The following GAS7 variants were observed in gnomAD, a reference collection of about 807,000 sequenced individuals.
GAS7 encodes the protein growth arrest specific 7.
GAS7 carries 28 observed loss-of-function variants against 71.1 expected under a neutral mutation model. The ratio of observed to expected loss-of-function variants is 0.39; its 90% confidence interval spans 0.29 to 0.54. The LOEUF (loss-of-function observed/expected upper bound fraction) is 0.54. GAS7 is among the 20% of genes least tolerant of loss of function. GAS7 has a pLI of 0.62. For missense variants in GAS7, 436 were observed against 627.8 expected, an observed-to-expected ratio of 0.69 and a Z score of 3.27; for synonymous variants, 258 against 245.8, an observed-to-expected ratio of 1.05 and a Z score of -0.46.
chr17:10,009,063 G>A (rs1389002388), intron 2 of GAS7, among the ~76,000 whole-genome samples: 1 of 152,048 alleles, frequency 6.6e-6, no homozygotes, highest in African/African-American at 2.4e-5. Flanking sequence ...GCTCACGCCT[G>A]TAATCCCAGC....
At chr17:9,961,417 G>A (rs965908768) in intron 4 of GAS7, among the ~76,000 whole-genome samples, 25 of 152,194 alleles carry the variant, frequency 1.6e-4, no homozygotes, top group African/African-American at 5.5e-4. Context: ...ATACATGGCA[G>A]GAAGGGGAAA....
chr17:9,929,252 C>T (rs2068122795), intron 9 of GAS7, among the ~76,000 whole-genome samples: 2 of 152,148 alleles, frequency 1.3e-5, no homozygotes, highest in African/African-American at 2.4e-5. Flanking sequence ...TTAATACGCC[C>T]AGGAATGACC....
At chr17:10,064,922 G>C (rs1252200140) in intron 1 of GAS7, among the ~76,000 whole-genome samples, 1 of 152,178 alleles carries the variant, frequency 6.6e-6, no homozygotes, top group African/African-American at 2.4e-5. Flanking sequence ...CAAACTCCTA[G>C]GCTCAAGTGA....
chr17:9,972,234 G>A (rs755512931), intron 3 of GAS7, among the ~76,000 whole-genome samples: 15 of 152,166 alleles, frequency 9.9e-5, no homozygotes, highest in South Asian at 2.1e-4. Flanking sequence ...CCATCCACCC[G>A]CTATGAAGGC....
intron 2 of GAS7, among the ~76,000 whole-genome samples, chr17:9,996,804 T>A (rs2071064935): frequency 6.6e-6 from 1 of 151,768 alleles, no homozygotes; most frequent in Non-Finnish European, 1.5e-5. Flanking sequence ...ACACCCAGGT[T>A]CATTTTTATA....
intron 4 of GAS7, among the ~76,000 whole-genome samples, chr17:9,966,564 C>T (rs2069723782): frequency 6.6e-6 from 1 of 152,178 alleles, no homozygotes; most frequent in Admixed American, 6.5e-5. Context: ...CGTCTGCATG[C>T]TGGAGTGGGG....
chr17:10,188,198 G>A (rs1405922169), intron 1 of GAS7, among the ~76,000 whole-genome samples: 10 of 151,772 alleles, frequency 6.6e-5, no homozygotes, highest in South Asian at 2.1e-4. Flanking sequence ...AGCCGAGATC[G>A]CGCCACTGCA....
In GAS7 at chr17:10,156,035, C is replaced by T. The variant is rs1317572505; in HGVS notation, c.183+42173G>A. Reference sequence around the variant, plus strand: ...ATGCAACTGACTTCCTTACTTGTTCCATTGCCCCAGCCTAGAGACGAGATT... The same window carrying T: ...ATGCAACTGACTTCCTTACTTGTTCTATTGCCCCAGCCTAGAGACGAGATT... On this transcript the variant is annotated intron_variant, in intron 1 of 13. Coordinates refer to ENST00000432992, the MANE Select transcript of GAS7 (RefSeq NM_201433.2). Among the ~76,000 whole-genome samples the T allele has an allele frequency of 2.0e-5, 3 of 152,170 alleles. No homozygotes were observed. In the East Asian group the frequency reaches 5.8e-4, roughly 29 times the overall value.
intron 1 of GAS7, among the ~76,000 whole-genome samples, chr17:10,066,595 C>T (rs2073283929): frequency 6.6e-6 from 1 of 152,182 alleles, no homozygotes; most frequent in African/African-American, 2.4e-5. Context: ...CTCAGCCTCC[C>T]AAAGCACTGG....
At chr17:10,095,178 A>G (rs2152258190) in intron 1 of GAS7, among the ~76,000 whole-genome samples, 1 of 152,178 alleles carries the variant, frequency 6.6e-6, no homozygotes, top group East Asian at 1.9e-4. Context: ...AGTGTAAATT[A>G]CACCTGGCAC....
At position 9,998,504 on chromosome 17, in the gene GAS7, A is replaced by AAGTGGCACAGGCCGGCACTGTGGC. The variant is rs372200335; in HGVS notation, c.305-16621_305-16620insGCCACAGTGCCGGCCTGTGCCACT. Among the ~76,000 whole-genome samples, 941 of 152,262 alleles carry AAGTGGCACAGGCCGGCACTGTGGC rather than the reference A, an allele frequency of 6.2e-3. 3 individuals carry two copies. The highest frequency in any genetic ancestry group is 0.022 in the African/African-American group (909 of 41,540). ...ATGCATGAAGAGAACCCAGAGAAAG[A>AAGTGGCACAGGCCGGCACTGTGGC]TCGCGCCCGTGATCCTAGAACTTTG... On this transcript the variant is annotated intron_variant, in intron 2 of 13. Coordinates refer to ENST00000432992, the MANE Select transcript of GAS7 (RefSeq NM_201433.2).
intron 7 of GAS7, 60 bp from the exon 8 acceptor site, chr17:9,940,260 C>G: frequency 8.1e-7 from 1 of 1,230,454 alleles, no homozygotes; most frequent in South Asian, 1.2e-5. Context: ...TGGGTCTGCC[C>G]TGCTGCCCTG....
intron 1 of GAS7, among the ~76,000 whole-genome samples, chr17:10,192,776 G>C (rs757137722): frequency 6.6e-6 from 1 of 152,206 alleles, no homozygotes; most frequent in Non-Finnish European, 1.5e-5. Context: ...GGCTGACAGA[G>C]TGGTGGGCCA....
intron 1 of GAS7, among the ~76,000 whole-genome samples, chr17:10,120,250 G>A (rs960333447): frequency 2.6e-5 from 4 of 152,074 alleles, no homozygotes; most frequent in South Asian, 2.1e-4. Flanking sequence ...GCCAGCCACC[G>A]GCCACCTCCC....
chr17:10,103,286 G>A lies in GAS7; in HGVS notation c.184-83389C>T, dbSNP rs2073724580. 6.6e-6 allele frequency among the ~76,000 whole-genome samples: 1 copy of A among 152,074 alleles called. No homozygotes were observed. The highest frequency in any genetic ancestry group is 6.6e-5 in the Admixed American group (1 of 15,262). On this transcript the variant is annotated intron_variant, in intron 1 of 13. Coordinates refer to ENST00000432992, the MANE Select transcript of GAS7 (RefSeq NM_201433.2). The surrounding 1 kb of genome is among the most constrained non-coding windows in gnomAD (Gnocchi z 5.5). ...CTGAGCCTGGGGAGTAGAGGCTGCA[G>A]TGAGAGCTGTGACTGTAACACTGTA...
chr17:9,917,438 G>T, intron 13 of GAS7, 97 bp from the exon 14 acceptor site: 1 of 864,480 alleles, frequency 1.2e-6, no homozygotes, highest in South Asian at 1.4e-5. Context: ...GTGTCTCTGA[G>T]AGCAGCCTCT....
intron 3 of GAS7, among the ~76,000 whole-genome samples, chr17:9,979,710 C>A (rs1343643050): frequency 1.3e-5 from 2 of 152,182 alleles, no homozygotes; most frequent in African/African-American, 4.8e-5. Context: ...ACATCCGAGC[C>A]TCCCTCTGCC....
At chr17:9,960,126 G>T (rs1455208669) in intron 4 of GAS7, among the ~76,000 whole-genome samples, 1 of 152,034 alleles carries the variant, frequency 6.6e-6, no homozygotes, top group Admixed American at 6.5e-5. Flanking sequence ...TGGGAAGCAG[G>T]CTTACCCCTA....
intron 1 of GAS7, among the ~76,000 whole-genome samples, chr17:10,170,358 A>C: frequency 6.8e-6 from 1 of 146,270 alleles, no homozygotes; most frequent in African/African-American, 2.6e-5. Context: ...CATCTCCAAC[A>C]CTCCCCACAC....
Sources: gnomAD v4.1 joint callset for allele counts (sites outside exome capture counted in the v4.1 genomes callset) on GRCh38, gnomAD v4.1.1 for gene constraint, Gnocchi (gnomAD v3.1) non-coding constraint, MANE v1.5 for transcripts, NCBI Gene and HGNC (gene_info 2026-07-23, HGNC 2026-07-21) for gene names.